Variants in XRRA1 observed in about 807,000 individuals in gnomAD.
XRRA1 encodes the protein X-ray radiation resistance-associated protein 1.
In XRRA1, 69 loss-of-function variants were observed where a neutral mutation model predicts 80.2. The observed-to-expected ratio is 0.86, with a 90% CI of 0.71 to 1.05. The LOEUF is 1.05. XRRA1 is among the 50% of genes least tolerant of loss of function. The probability of loss-of-function intolerance (pLI) is 0.00; values close to 1 mark genes in which losing one functional copy is unlikely to be tolerated. For synonymous variants in XRRA1, 348 were observed against 389.9 expected, an observed-to-expected ratio of 0.89 and a Z score of 1.27; for missense variants, 967 against 976.4, an observed-to-expected ratio of 0.99 and a Z score of 0.13.
chr11:74,877,300 T>C (rs868449800), intron 10 of XRRA1, among the ~76,000 whole-genome samples: 14 of 152,156 alleles, frequency 9.2e-5, no homozygotes, highest in Non-Finnish European at 1.6e-4. Flanking sequence ...ATGTTTTTTT[T>C]CAAAGAAAAA....
At position 74,877,414 on chromosome 11, in the gene XRRA1, A is replaced by T. The variant is rs374043185; in HGVS notation, c.1004-14393T>A. The stretch of plus-strand genomic sequence containing the variant: ...CTATCAGGTATCAAACTCTACTGTC[A>T]TGGTTATAGCCTATAGTACTCCCAC... On this transcript the variant is annotated intron_variant, in intron 10 of 18. Transcript: ENST00000684022. Among the ~76,000 whole-genome samples the T allele has an allele frequency of 5.3e-4, 80 of 152,266 alleles. 1 individual carries two copies. In the South Asian group the frequency reaches 0.016, roughly 31 times the overall value.
At chr11:74,865,749 G>C (rs2043256196) in intron 10 of XRRA1, among the ~76,000 whole-genome samples, 1 of 152,252 alleles carries the variant, frequency 6.6e-6, no homozygotes, top group Non-Finnish European at 1.5e-5. Flanking sequence ...TCCTGCCCAT[G>C]CAGAGACCTG....
At position 74,843,241 on chromosome 11, in the gene XRRA1, C is replaced by T. The variant is rs1479087823; in HGVS notation, c.2362G>A (p.Glu788Lys). The T allele has an allele frequency of 2.6e-6, 4 of 1,563,592 alleles. No individual in the cohort carries two copies. In the East Asian group the frequency reaches 9.6e-5, roughly 37 times the overall value. ...KFGHFLEFMDEFCQEPTASDS... is the reference protein window; with the variant it reads ...KFGHFLEFMDKFCQEPTASDS... ...CTGGCTGTGGGCTCCTGGCAGAACT[C>T]ATCCATGAACTCGAGGAAGTGGCCG... Residue 788 changes from glutamate to lysine, a missense_variant, in exon 19 of 19, where the codon GAG (glutamate) becomes AAG (lysine). By Grantham distance (56) the Glu-to-Lys change is moderately conservative. Transcript: ENST00000684022.
intron 8 of XRRA1, among the ~76,000 whole-genome samples, chr11:74,917,668 G>A (rs1455288657): frequency 6.6e-6 from 1 of 152,060 alleles, no homozygotes; most frequent in Non-Finnish European, 1.5e-5. Flanking sequence ...CACAACCTAA[G>A]GTCCTAGGAA....
intron 8 of XRRA1, among the ~76,000 whole-genome samples, chr11:74,909,018 G>C (rs2055268779): frequency 6.6e-6 from 1 of 152,170 alleles, no homozygotes; most frequent in Non-Finnish European, 1.5e-5. Flanking sequence ...CAGGGTCTAT[G>C]TTCAGCATGA....
intron 2 of XRRA1, among the ~76,000 whole-genome samples, chr11:74,943,243 G>T (rs1946700884): frequency 6.6e-6 from 1 of 152,122 alleles, no homozygotes; most frequent in African/African-American, 2.4e-5. Flanking sequence ...GTTGGAAAAA[G>T]AATATAGTTC....
At chr11:74,861,326 C>T (rs1336088466) in intron 11 of XRRA1, among the ~76,000 whole-genome samples, 3 of 152,256 alleles carry the variant, frequency 2.0e-5, no homozygotes, top group Non-Finnish European at 4.4e-5. Context: ...TCTGTATTTA[C>T]AGCCACTCCC....
chr11:74,893,556 A>G (rs1308496075), intron 10 of XRRA1, among the ~76,000 whole-genome samples: 24 of 152,106 alleles, frequency 1.6e-4, no homozygotes, highest in Admixed American at 1.6e-3. Context: ...AGTATAATAA[A>G]AAATAAAAAT....
At chr11:74,860,852 G>C (rs1487173118) in intron 11 of XRRA1, among the ~76,000 whole-genome samples, 1 of 152,206 alleles carries the variant, frequency 6.6e-6, no homozygotes, top group East Asian at 1.9e-4. Flanking sequence ...TGAGTGATAG[G>C]AATATCTTTG....
chr11:74,899,561 A>T (rs1020099436), intron 10 of XRRA1, among the ~76,000 whole-genome samples: 1 of 152,166 alleles, frequency 6.6e-6, no homozygotes, highest in Admixed American at 6.5e-5. Flanking sequence ...AATCAGAGAT[A>T]AAAAAGGAGA....
At chr11:74,893,891 A>G (rs895279387) in intron 10 of XRRA1, among the ~76,000 whole-genome samples, 11 of 152,248 alleles carry the variant, frequency 7.2e-5, no homozygotes, top group African/African-American at 2.7e-4. Context: ...CAATACCACT[A>G]TTGGGTATAT....
At chr11:74,881,395 G>A (rs1318788079) in intron 10 of XRRA1, among the ~76,000 whole-genome samples, 2 of 150,974 alleles carry the variant, frequency 1.3e-5, no homozygotes, top group Non-Finnish European at 2.9e-5. Context: ...ACAGCACACT[G>A]ATGGGTCTTG....
At chr11:74,847,705 C>G (rs1049471372) in intron 15 of XRRA1, among the ~76,000 whole-genome samples, 1 of 152,160 alleles carries the variant, frequency 6.6e-6, no homozygotes, top group African/African-American at 2.4e-5. Flanking sequence ...TGTCTATGTT[C>G]CCCATTATAC....
At chr11:74,880,053 C>T (rs1216982107) in intron 10 of XRRA1, among the ~76,000 whole-genome samples, 2 of 151,914 alleles carry the variant, frequency 1.3e-5, no homozygotes, top group Non-Finnish European at 1.5e-5. Flanking sequence ...CTAGTTCCTC[C>T]TTGTACCTCT....
chr11:74,940,727 TG>T, intron 3 of XRRA1, 57 bp downstream of exon 3: 1 of 1,380,378 alleles, frequency 7.2e-7, no homozygotes, highest in Non-Finnish European at 1.0e-6. Flanking sequence ...AGATGTGAGA[TG>T]GTCTAAAGCA....
rs979462974 is a variant in XRRA1 at position 74,912,877 on chromosome 11, G to C, written c.657-5604C>G. ...CTACACTATGAACAACACAGATATA[G>C]AACATTTCCAACACTGTAGTAAGTT... On this transcript the variant is annotated intron_variant, in intron 8 of 18. Coordinates refer to ENST00000684022, the MANE Select transcript of XRRA1 (RefSeq NM_001378157.1). Among the ~76,000 whole-genome samples, 2 of 152,152 alleles carry C rather than the reference G, an allele frequency of 1.3e-5. 1 individual carries two copies. The highest frequency in any genetic ancestry group is 1.3e-4 in the Admixed American group (2 of 15,276).
intron 8 of XRRA1, among the ~76,000 whole-genome samples, chr11:74,908,543 G>C (rs972581652): frequency 6.6e-6 from 1 of 152,194 alleles, no homozygotes; most frequent in African/African-American, 2.4e-5. Context: ...CATTTAGAGA[G>C]GGTATATTCT....
At chr11:74,864,528 C>T (rs956071910) in intron 10 of XRRA1, among the ~76,000 whole-genome samples, 2 of 152,186 alleles carry the variant, frequency 1.3e-5, no homozygotes, top group Non-Finnish European at 2.9e-5. Context: ...CAGACCAACA[C>T]CCAAGTGGCT....
Position 74,934,018 on chromosome 11 carries a change from A to T in XRRA1, c.280-146T>A. On this transcript the variant is annotated intron_variant, in intron 4 of 18. Transcript: ENST00000684022. ...TCATTCATTCATTCATTCATTCATT[A>T]TTCATCCATTCATTCGCCAAATATT... 7 of 573,414 alleles carry T rather than the reference A, an allele frequency of 1.2e-5. No homozygotes were observed. In the South Asian group the frequency reaches 1.9e-4, roughly 16 times the overall value. The allele number at this position is 573,414 out of a possible 1,614,324, so 35.5% of individuals were successfully genotyped here.
Sources: gnomAD v4.1 joint callset for allele counts (sites outside exome capture counted in the v4.1 genomes callset) on GRCh38, gnomAD v4.1.1 for gene constraint, MANE v1.5 for transcripts, NCBI Gene and HGNC (gene_info 2026-07-23, HGNC 2026-07-21) for gene names.